GRIK3: variants seen among roughly 807,000 people sequenced by gnomAD.
GRIK3 encodes glutamate ionotropic receptor kainate type subunit 3.
Under a neutral mutation model 102.5 loss-of-function variants are expected in GRIK3, and 29 were observed. The ratio of observed to expected loss-of-function variants is 0.28; its 90% confidence interval spans 0.21 to 0.39. The LOEUF (loss-of-function observed/expected upper bound fraction) is 0.39, where lower values mean the gene tolerates loss of function less well. Ranked by LOEUF, GRIK3 falls within the 10% of genes least tolerant of loss-of-function variation. The pLI, the probability that GRIK3 is intolerant of heterozygous loss-of-function variation, is 1.00. For synonymous variants in GRIK3, 511 were observed against 504.9 expected (o/e 1.01, Z -0.16); for missense variants, 908 against 1,252.4 (o/e 0.73, Z 4.15).
intron 1 of GRIK3, among the ~76,000 whole-genome samples, chr1:37,029,456 C>T (rs1642798064): frequency 6.6e-6 from 1 of 152,216 alleles, no homozygotes; most frequent in African/African-American, 2.4e-5. Flanking sequence ...AGCCAGGCTG[C>T]AGCTGCAAGG....
intron 11 of GRIK3, among the ~76,000 whole-genome samples, chr1:36,823,988 G>T (rs1184173176): frequency 6.6e-6 from 1 of 152,166 alleles, no homozygotes. Context: ...GTGTGAGGGT[G>T]TTGGGCGAGG....
chr1:36,883,233 C>T (rs891736710), intron 2 of GRIK3, among the ~76,000 whole-genome samples: 6 of 152,236 alleles, frequency 3.9e-5, no homozygotes, highest in African/African-American at 9.6e-5. Context: ...AAACGAAACA[C>T]GTCCTTTTCT....
intron 15 of GRIK3, 56 bp downstream of exon 15, chr1:36,804,931 A>G: frequency 6.3e-7 from 1 of 1,593,522 alleles, no homozygotes; most frequent in Non-Finnish European, 8.6e-7. Context: ...ACAGGAGTGA[A>G]ATCAGCGCGA....
chr1:36,994,759 C>A (rs1416305588), intron 1 of GRIK3, among the ~76,000 whole-genome samples: 3 of 152,130 alleles, frequency 2.0e-5, no homozygotes, highest in Non-Finnish European at 4.4e-5. Context: ...GCTGTCACAC[C>A]ACCCTGGGCA....
At chr1:37,025,550 G>GAAA (rs1642757387) in intron 1 of GRIK3, among the ~76,000 whole-genome samples, 1 of 152,226 alleles carries the variant, frequency 6.6e-6, no homozygotes. Flanking sequence ...TGGAGCCCTG[G>GAAA]AAAGTCCTTG....
chr1:36,962,376 C>A (rs1313499381), intron 1 of GRIK3, among the ~76,000 whole-genome samples: 1 of 152,058 alleles, frequency 6.6e-6, no homozygotes, highest in African/African-American at 2.4e-5. Flanking sequence ...GCCTCAGGTC[C>A]CTGGGGCTCC....
chr1:36,908,561 C>T (rs914409513), intron 1 of GRIK3, among the ~76,000 whole-genome samples: 1 of 152,326 alleles, frequency 6.6e-6, no homozygotes, highest in Non-Finnish European at 1.5e-5. Context: ...CCACTGGCTC[C>T]TCTCCATTCT....
intron 5 of GRIK3, among the ~76,000 whole-genome samples, chr1:36,862,322 G>A (rs1640737106): frequency 6.6e-6 from 1 of 152,134 alleles, no homozygotes; most frequent in African/African-American, 2.4e-5. Flanking sequence ...CCCTTTCAGA[G>A]AGCTGGTTGT....
chr1:36,917,182 A>G (rs1486578303), intron 1 of GRIK3, among the ~76,000 whole-genome samples: 1 of 152,216 alleles, frequency 6.6e-6, no homozygotes, highest in Non-Finnish European at 1.5e-5. Flanking sequence ...TGGGGCCTGT[A>G]GCCTCCTTTT....
chr1:36,999,951 C>G (rs183931263), intron 1 of GRIK3, among the ~76,000 whole-genome samples: 3 of 151,446 alleles, frequency 2.0e-5, no homozygotes, highest in African/African-American at 7.3e-5. Context: ...GAGCCGAGAT[C>G]ACACCATTGC....
chr1:37,023,111 G>A (rs947710613), intron 1 of GRIK3, among the ~76,000 whole-genome samples: 1 of 152,056 alleles, frequency 6.6e-6, no homozygotes, highest in African/African-American at 2.4e-5. Context: ...GGCAGATCAC[G>A]AGGTCAGGAG....
rs116795653 is a variant in GRIK3 at position 36,860,989 on chromosome 1, T to A, written c.787-972A>T. ...CTTGTTAAAAGCTCAGACTCTGGGT[T>A]AATTTGCAGAATTTTGTCAAATAGA... On this transcript the variant is annotated intron_variant, in intron 5 of 15. Transcript: ENST00000373091. Among the ~76,000 whole-genome samples, 324 of 152,318 alleles carry A rather than the reference T, an allele frequency of 2.1e-3. 2 individuals are homozygous for A. The highest frequency in any genetic ancestry group is 7.2e-3 in the African/African-American group (299 of 41,562).
chr1:36,837,895 G>A (rs1272423200), intron 10 of GRIK3, among the ~76,000 whole-genome samples: 2 of 152,232 alleles, frequency 1.3e-5, no homozygotes, highest in Admixed American at 6.5e-5. Context: ...CCTTGGTGGT[G>A]CCTCAGTTCC....
In GRIK3 at chr1:36,845,366, G is replaced by A. The variant is rs181449176; in HGVS notation, c.1327-3427C>T. On this transcript the variant is annotated intron_variant, in intron 9 of 15. Transcript: ENST00000373091. Reference sequence around the variant, plus strand: ...GTAATATTTCTCTTCAACAAGTCACGGAAAACAGGGGTCCAGAAAAATAAC... The same window carrying A: ...GTAATATTTCTCTTCAACAAGTCACAGAAAACAGGGGTCCAGAAAAATAAC... Among the ~76,000 whole-genome samples the A allele has an allele frequency of 5.3e-4, 80 of 152,266 alleles. 1 individual carries two copies. In the East Asian group the frequency reaches 0.014, roughly 28 times the overall value.
At chr1:36,907,435 A>T (rs1641296006) in intron 1 of GRIK3, among the ~76,000 whole-genome samples, 1 of 152,130 alleles carries the variant, frequency 6.6e-6, no homozygotes, top group Non-Finnish European at 1.5e-5. Context: ...GCTGGGTTTT[A>T]AGTTGAGCCT....
intron 1 of GRIK3, among the ~76,000 whole-genome samples, chr1:37,004,093 G>A (rs1297164962): frequency 6.6e-6 from 1 of 152,114 alleles, no homozygotes; most frequent in African/African-American, 2.4e-5. Context: ...TCAGGGCCTT[G>A]TAGACAAAGG....
At chr1:37,028,420 G>A (rs913776366) in intron 1 of GRIK3, among the ~76,000 whole-genome samples, 6 of 152,098 alleles carry the variant, frequency 3.9e-5, no homozygotes, top group Non-Finnish European at 5.9e-5. Context: ...AATGTGGGAT[G>A]TAGTACATGG....
At chr1:36,950,579 G>A (rs1257081506) in intron 1 of GRIK3, among the ~76,000 whole-genome samples, 1 of 152,182 alleles carries the variant, frequency 6.6e-6, no homozygotes, top group Non-Finnish European at 1.5e-5. Flanking sequence ...CTCTGGGCTT[G>A]GCTAAGCCAG....
intron 1 of GRIK3, among the ~76,000 whole-genome samples, chr1:36,964,903 C>T (rs1642063571): frequency 6.6e-6 from 1 of 152,196 alleles, no homozygotes; most frequent in Non-Finnish European, 1.5e-5. Flanking sequence ...CAATCACAGC[C>T]CAAGCCCATT....
Sources: allele counts gnomAD v4.1 joint callset (sites outside exome capture counted in the v4.1 genomes callset), GRCh38; gene constraint gnomAD v4.1.1; transcripts MANE v1.5; gene names NCBI Gene and HGNC (gene_info 2026-07-23, HGNC 2026-07-21).